Variants in CREB5 observed in about 807,000 individuals in gnomAD.
CREB5 encodes cAMP responsive element binding protein 5.
In CREB5, 19 loss-of-function variants were observed where a neutral mutation model predicts 57.1. That is an observed-to-expected ratio of 0.33 (90% CI 0.23 to 0.49). The LOEUF (loss-of-function observed/expected upper bound fraction) is 0.49, where lower values mean the gene tolerates loss of function less well. Ranked by LOEUF, CREB5 falls within the 20% of genes least tolerant of loss-of-function variation. CREB5 has a pLI of 0.99. For synonymous variants in CREB5, 238 were observed against 238.3 expected, an observed-to-expected ratio of 1.00 and a Z score of 0.01; for missense variants, 579 against 671.6, an observed-to-expected ratio of 0.86 and a Z score of 1.52.
intron 5 of CREB5, among the ~76,000 whole-genome samples, chr7:28,670,334 C>T (rs1251973776): frequency 6.6e-6 from 1 of 152,200 alleles, no homozygotes; most frequent in African/African-American, 2.4e-5. Context: ...CCGTACTCAC[C>T]TGTTTTCTGA....
intron 5 of CREB5, among the ~76,000 whole-genome samples, chr7:28,671,150 G>A (rs575303232): frequency 5.3e-5 from 8 of 152,134 alleles, no homozygotes; most frequent in Middle Eastern, 3.4e-3. Flanking sequence ...ACCTACGTGG[G>A]AGGCTGAGGT....
intron 1 of CREB5, among the ~76,000 whole-genome samples, chr7:28,467,178 G>A (rs1790618327): frequency 6.6e-6 from 1 of 152,142 alleles, no homozygotes; most frequent in Admixed American, 6.5e-5. Context: ...GTGGGGAGGG[G>A]CAATTGGTAG....
chr7:28,402,191 T>C (rs976317229), intron 1 of CREB5, among the ~76,000 whole-genome samples: 2 of 152,388 alleles, frequency 1.3e-5, no homozygotes, highest in Admixed American at 1.3e-4. Context: ...AATGTGTCTG[T>C]TGGCTGCATA....
intron 7 of CREB5, among the ~76,000 whole-genome samples, chr7:28,746,920 G>A (rs1251844136): frequency 1.3e-5 from 2 of 152,224 alleles, no homozygotes; most frequent in Non-Finnish European, 2.9e-5. Context: ...GGGCAGGAAG[G>A]CTGATGAAGG....
chr7:28,399,073 T>G (rs1316820900), intron 1 of CREB5, among the ~76,000 whole-genome samples: 2 of 152,130 alleles, frequency 1.3e-5, no homozygotes, highest in African/African-American at 4.8e-5. Flanking sequence ...TATGTTACCA[T>G]TTTGCAGTTG....
intron 5 of CREB5, among the ~76,000 whole-genome samples, chr7:28,649,702 C>T (rs1799049859): frequency 6.6e-6 from 1 of 152,100 alleles, no homozygotes; most frequent in South Asian, 2.1e-4. Flanking sequence ...AGGAATGGAC[C>T]ATATCTTATT....
At chr7:28,553,846 A>C (rs1244999169) in intron 4 of CREB5, among the ~76,000 whole-genome samples, 1 of 152,226 alleles carries the variant, frequency 6.6e-6, no homozygotes, top group Non-Finnish European at 1.5e-5. Context: ...GTCTTTCCAG[A>C]ATAAAATGTC....
At chr7:28,336,506 A>G (rs1785824758) in intron 1 of CREB5, among the ~76,000 whole-genome samples, 1 of 151,930 alleles carries the variant, frequency 6.6e-6, no homozygotes, top group Non-Finnish European at 1.5e-5. Context: ...GTAGCCTCTA[A>G]AGATCTTTTC....
At chr7:28,544,611 C>T (rs1583603945) in intron 4 of CREB5, among the ~76,000 whole-genome samples, 1 of 152,094 alleles carries the variant, frequency 6.6e-6, no homozygotes, top group East Asian at 1.9e-4. Context: ...CTTAGAAAAA[C>T]AAATTTCTCC....
At chr7:28,453,931 C>T (rs2128570053) in intron 1 of CREB5, among the ~76,000 whole-genome samples, 1 of 150,964 alleles carries the variant, frequency 6.6e-6, no homozygotes, top group Non-Finnish European at 1.5e-5. Context: ...AAACAAATTC[C>T]TAACTGAAAG....
chr7:28,611,164 A>G (rs965810247), intron 5 of CREB5, among the ~76,000 whole-genome samples: 3 of 152,248 alleles, frequency 2.0e-5, no homozygotes, highest in Admixed American at 2.0e-4. Flanking sequence ...CAGGTCATAC[A>G]TTGGGACAAA....
At chr7:28,601,384 G>GGT (rs1237304604) in intron 5 of CREB5, among the ~76,000 whole-genome samples, 1 of 152,132 alleles carries the variant, frequency 6.6e-6, no homozygotes, top group Non-Finnish European at 1.5e-5. Flanking sequence ...TAGTTGGCAA[G>GGT]GTAGAGGTCG....
chr7:28,610,936 G>A (rs549369721), intron 5 of CREB5, among the ~76,000 whole-genome samples: 2 of 148,140 alleles, frequency 1.4e-5, no homozygotes, highest in African/African-American at 4.9e-5. Flanking sequence ...GTTTATGTAT[G>A]GCTGTCTGTG....
chr7:28,352,398 C>T (rs1477675725), intron 1 of CREB5, among the ~76,000 whole-genome samples: 3 of 152,138 alleles, frequency 2.0e-5, no homozygotes, highest in African/African-American at 7.2e-5. Flanking sequence ...GAGTGTATTA[C>T]CTAAGATATT....
At chr7:28,677,895 TGAAAGAAA>T (rs1038448819) in intron 5 of CREB5, among the ~76,000 whole-genome samples, 4 of 150,092 alleles carry the variant, frequency 2.7e-5, no homozygotes, top group African/African-American at 9.8e-5. Context: ...TCTCTAAAAA[TGAAAGAAA>T]GAGAGAAAGA....
At chr7:28,622,680 T>C (rs1298970279) in intron 5 of CREB5, among the ~76,000 whole-genome samples, 1 of 152,094 alleles carries the variant, frequency 6.6e-6, no homozygotes, top group East Asian at 1.9e-4. Flanking sequence ...CAATGACTTA[T>C]TTATGGGCAC....
chr7:28,803,367 A>C (rs1164909288), intron 7 of CREB5, among the ~76,000 whole-genome samples: 1 of 152,206 alleles, frequency 6.6e-6, no homozygotes, highest in African/African-American at 2.4e-5. Context: ...CCCTAAAATC[A>C]GATTAGCTCT....
At chr7:28,307,075 T>C (rs1785205846) in intron 1 of CREB5, among the ~76,000 whole-genome samples, 1 of 152,198 alleles carries the variant, frequency 6.6e-6, no homozygotes, top group Admixed American at 6.5e-5. Context: ...TAACAGTGTT[T>C]CATGAAATGT....
chr7:28,532,399 C>T lies in CREB5; in HGVS notation c.291+24662C>T, dbSNP rs145136245. On this transcript the variant is annotated intron_variant, in intron 4 of 10. Transcript: ENST00000357727. ...AGATAATAAATGTTGTTTTAAGCCA[C>T]GAAATTTTGTGGTAATTTGTTATGC... 1.1e-4 allele frequency among the ~76,000 whole-genome samples: 16 copies of T among 152,306 alleles called. No homozygotes were observed. The East Asian group carries it at 2.5e-3, about 24-fold the overall frequency.
Sources: allele counts gnomAD v4.1 joint callset (sites outside exome capture counted in the v4.1 genomes callset), GRCh38; gene constraint gnomAD v4.1.1; transcripts MANE v1.5; gene names NCBI Gene and HGNC (gene_info 2026-07-23, HGNC 2026-07-21).